GLT1D1: variants seen among roughly 807,000 people sequenced by gnomAD.
GLT1D1 encodes the protein glycosyltransferase 1 domain containing 1.
A neutral mutation model predicts 28.7 loss-of-function variants in GLT1D1; 21 were observed. The ratio of observed to expected loss-of-function variants is 0.73; its 90% CI spans 0.52 to 1.05. The LOEUF (loss-of-function observed/expected upper bound fraction) is 1.05. Ranked by LOEUF, GLT1D1 falls within the 50% of genes least tolerant of loss-of-function variation. The pLI, the probability that GLT1D1 is intolerant of heterozygous loss-of-function variation, is 0.00. For synonymous variants in GLT1D1, 147 were observed against 124.8 expected (o/e 1.18, Z -1.19); for missense variants, 343 against 330.6 (o/e 1.04, Z -0.29).
chr12:128,912,064 G>T (rs775500380), intron 4 of GLT1D1, among the ~76,000 whole-genome samples: 4 of 152,142 alleles, frequency 2.6e-5, no homozygotes, highest in Non-Finnish European at 5.9e-5. Context: ...TCCACGCAGG[G>T]GCGGGAGCTG....
chr12:128,884,612 C>A (rs1325191276), intron 2 of GLT1D1, among the ~76,000 whole-genome samples: 1 of 152,076 alleles, frequency 6.6e-6, no homozygotes, highest in Admixed American at 6.6e-5. Context: ...GTCACGAGTT[C>A]GAGAGCTGCC....
intron 4 of GLT1D1, among the ~76,000 whole-genome samples, chr12:128,939,216 T>C (rs948538062): frequency 9.9e-5 from 15 of 152,020 alleles, no homozygotes; most frequent in African/African-American, 3.4e-4. Context: ...TTCTGGAGTT[T>C]TCAGAAGTGT....
In GLT1D1 at chr12:128,984,937, A is replaced by G. The variant is rs1212751610; in HGVS notation, c.*1847A>G. 1 of 152,202 alleles carries G rather than the reference A, an allele frequency of 6.6e-6. No individual in the cohort carries two copies. The highest frequency in any genetic ancestry group is 6.5e-5 in the Admixed American group (1 of 15,276). The allele number at this position is 152,202 out of a possible 1,614,324, so 9.4% of individuals were successfully genotyped here. A position where few individuals can be genotyped will look rare whatever the true frequency, so the allele number is the denominator to read the frequency against. On this transcript the variant is annotated 3_prime_UTR_variant, in exon 8 of 8. Transcript: ENST00000281703. ...TGTGGGAAGGGCGTGTTTTTAAATT[A>G]ATAAAGTGTGTCACCATTAGCCATA...
intron 4 of GLT1D1, among the ~76,000 whole-genome samples, chr12:128,919,445 C>T (rs541982200): frequency 7.2e-5 from 11 of 152,272 alleles, no homozygotes; most frequent in African/African-American, 2.2e-4. Flanking sequence ...CTGATGTCCA[C>T]GTGGCGATGC....
chr12:128,896,868 G>A (rs1218107559), intron 3 of GLT1D1, among the ~76,000 whole-genome samples: 1 of 151,950 alleles, frequency 6.6e-6, no homozygotes, highest in African/African-American at 2.4e-5. Flanking sequence ...AACACCACAG[G>A]GAAAAATCTG....
intron 2 of GLT1D1, among the ~76,000 whole-genome samples, chr12:128,886,656 G>T (rs1868420642): frequency 6.6e-6 from 1 of 151,998 alleles, no homozygotes; most frequent in South Asian, 2.1e-4. Flanking sequence ...CTCTGAACTT[G>T]ATTCTCTGGC....
At chr12:128,869,097 G>A (rs188896622) in intron 1 of GLT1D1, among the ~76,000 whole-genome samples, 1 of 152,194 alleles carries the variant, frequency 6.6e-6, no homozygotes, top group South Asian at 2.1e-4. Context: ...TCGAACTCCT[G>A]ACCTCAGTTG....
intron 7 of GLT1D1, among the ~76,000 whole-genome samples, chr12:128,971,100 C>A (rs552003496): frequency 7.9e-5 from 12 of 152,200 alleles, no homozygotes; most frequent in African/African-American, 2.9e-4. Context: ...AGCAGTCATC[C>A]CGCCCAATCA....
chr12:128,879,915 C>T (rs1351955572), intron 2 of GLT1D1, among the ~76,000 whole-genome samples: 1 of 152,184 alleles, frequency 6.6e-6, no homozygotes, highest in Non-Finnish European at 1.5e-5. Flanking sequence ...TCCACTGTGA[C>T]AATGCACCAT....
intron 7 of GLT1D1, among the ~76,000 whole-genome samples, chr12:128,966,507 C>A (rs1281205233): frequency 6.6e-6 from 1 of 152,174 alleles, no homozygotes. Context: ...GCTCCCCACA[C>A]CCTCCTCCCC....
chr12:128,868,351 C>T (rs1187691057), intron 1 of GLT1D1, among the ~76,000 whole-genome samples: 1 of 152,168 alleles, frequency 6.6e-6, no homozygotes, highest in Admixed American at 6.5e-5. Flanking sequence ...CCTGCAGGAG[C>T]ACCCTTGGAT....
intron 7 of GLT1D1, among the ~76,000 whole-genome samples, chr12:128,958,227 G>C (rs1877494625): frequency 6.6e-6 from 1 of 152,178 alleles, no homozygotes; most frequent in African/African-American, 2.4e-5. Context: ...GGGATTTGCG[G>C]TCCAGGGTTT....
intron 7 of GLT1D1, among the ~76,000 whole-genome samples, chr12:128,974,056 A>C (rs1879526818): frequency 6.6e-6 from 1 of 151,666 alleles, no homozygotes; most frequent in Admixed American, 6.6e-5. Context: ...TGATGTGTTA[A>C]CCTCAGGCAG....
chr12:128,969,233 C>A (rs767310949), intron 7 of GLT1D1, among the ~76,000 whole-genome samples: 7 of 151,418 alleles, frequency 4.6e-5, no homozygotes, highest in Non-Finnish European at 7.4e-5. Context: ...TTGTCTCTTC[C>A]TCTGTCTCTG....
chr12:128,879,446 C>CTTTCTT (rs1566096754), intron 2 of GLT1D1, among the ~76,000 whole-genome samples: 1 of 103,874 alleles, frequency 9.6e-6, no homozygotes, highest in Non-Finnish European at 2.0e-5. Flanking sequence ...TTCTTTCTTT[C>CTTTCTT]TTTCTTTCTT....
At chr12:128,962,225 A>G (rs1292401158) in intron 7 of GLT1D1, among the ~76,000 whole-genome samples, 1 of 152,196 alleles carries the variant, frequency 6.6e-6, no homozygotes, top group Admixed American at 6.5e-5. Context: ...TCAAGGGCGG[A>G]GTGAGCTGCA....
chr12:128,945,190 C>T (rs1045949417), intron 4 of GLT1D1, 136 bp from the exon 9 acceptor site: 18 of 868,068 alleles, frequency 2.1e-5, no homozygotes, highest in African/African-American at 3.3e-5. Flanking sequence ...ACGCAGCAGC[C>T]GCGAGGACAC....
At chr12:128,879,214 C>T (rs527408855) in intron 2 of GLT1D1, among the ~76,000 whole-genome samples, 10 of 152,120 alleles carry the variant, frequency 6.6e-5, no homozygotes, top group South Asian at 2.1e-4. Flanking sequence ...CATAGGTAAA[C>T]GTGTGCCATG....
chr12:128,864,177 A>G (rs960017710), intron 1 of GLT1D1: 1 of 684,328 alleles, frequency 1.5e-6, no homozygotes, highest in South Asian at 1.5e-5. Flanking sequence ...CAGACGACAC[A>G]CTGTAAGTTT....
Sources: gnomAD v4.1 joint callset for allele counts (sites outside exome capture counted in the v4.1 genomes callset) on GRCh38, gnomAD v4.1.1 for gene constraint, MANE v1.5 for transcripts, NCBI Gene and HGNC (gene_info 2026-07-23, HGNC 2026-07-21) for gene names.